SDK2: variants seen among roughly 807,000 people sequenced by gnomAD.
SDK2 encodes the protein sidekick cell adhesion molecule 2.
SDK2 carries 105 observed loss-of-function variants against 253.9 expected under a neutral mutation model. The ratio of observed to expected loss-of-function variants is 0.41; its 90% CI spans 0.35 to 0.49. SDK2 has a LOEUF of 0.49. Among genes scored for constraint, SDK2 ranks in the 20% least tolerant of loss-of-function variants. SDK2 has a pLI of 0.06. For synonymous variants in SDK2, 1,249 were observed against 1,234.9 expected (o/e 1.01, Z -0.24); for missense variants, 2,608 against 3,003.0 (o/e 0.87, Z 3.07).
In SDK2 at chr17:73,642,642, C is replaced by T. The variant is rs184349304; in HGVS notation, c.64+1383G>A. On this transcript the variant is annotated intron_variant, in intron 1 of 44. Coordinates refer to ENST00000392650, the MANE Select transcript of SDK2 (RefSeq NM_001144952.2). This position sits in a 1 kb window ranked among gnomAD's most constrained non-coding sequence, Gnocchi z 4.7. Reference sequence around the variant, plus strand: ...GTGGCCTTGGGCAAGTCATTTAATGCCATTTGGCCTCAGTTTCCCTATCTG... The same window carrying T: ...GTGGCCTTGGGCAAGTCATTTAATGTCATTTGGCCTCAGTTTCCCTATCTG... Among the ~76,000 whole-genome samples the T allele has an allele frequency of 5.3e-5, 8 of 152,264 alleles. No homozygotes were observed. The highest frequency in any genetic ancestry group is 1.9e-4 in the African/African-American group (8 of 41,542).
Position 73,430,453 on chromosome 17 carries a change from A to G in SDK2, c.1583+58T>C. The stretch of plus-strand genomic sequence containing the variant: ...TAATGTGGACACTCGCCCAGCTACA[A>G]GCTATTGCCAGAGGCTCCCCCTCCC... On this transcript the variant is annotated intron_variant, in intron 12 of 44. Transcript: ENST00000392650. The G allele has an allele frequency of 2.3e-6, 3 of 1,307,394 alleles. No individual in the cohort carries two copies. In the South Asian group the frequency reaches 3.8e-5, roughly 16 times the overall value. 81.0% of individuals were successfully genotyped at this position (1,307,394 alleles called of 1,614,324 possible). A position where few individuals can be genotyped will look rare whatever the true frequency, so the allele number is the denominator to read the frequency against.
intron 39 of SDK2, 57 bp from the exon 40 acceptor site, chr17:73,358,261 C>T (rs201914146): frequency 1.5e-4 from 233 of 1,545,164 alleles, no homozygotes; most frequent in Non-Finnish European, 1.9e-4. Flanking sequence ...CCACCCAGCC[C>T]GTCACCCTGG....
chr17:73,389,875 G>T (rs533518672), intron 29 of SDK2, among the ~76,000 whole-genome samples: 1 of 152,288 alleles, frequency 6.6e-6, no homozygotes, highest in Non-Finnish European at 1.5e-5. Context: ...TCAGCTTCCT[G>T]AGTAGCTGGG....
chr17:73,504,678 G>A, intron 2 of SDK2, among the ~76,000 whole-genome samples: 1 of 148,294 alleles, frequency 6.7e-6, no homozygotes, highest in Admixed American at 6.7e-5. Context: ...TATCAGGAAA[G>A]GTTTTCTAAA....
chr17:73,615,288 T>C (rs2046040031), intron 1 of SDK2, among the ~76,000 whole-genome samples: 1 of 152,182 alleles, frequency 6.6e-6, no homozygotes, highest in Admixed American at 6.5e-5. Flanking sequence ...AAGTAAGTTG[T>C]CAGAGGCCCC....
At chr17:73,635,248 A>C (rs1394910685) in intron 1 of SDK2, among the ~76,000 whole-genome samples, 1 of 152,100 alleles carries the variant, frequency 6.6e-6, no homozygotes, top group Non-Finnish European at 1.5e-5. Flanking sequence ...TCTGCCTCCC[A>C]AAGTGCTGGG....
chr17:73,618,335 T>G lies in SDK2; in HGVS notation c.64+25690A>C, dbSNP rs1260210651. Among the ~76,000 whole-genome samples the G allele has an allele frequency of 6.6e-6, 1 of 152,134 alleles. No individual in the cohort carries two copies. The highest frequency in any genetic ancestry group is 1.5e-5 in the Non-Finnish European group (1 of 68,018). Reference sequence around the variant, plus strand: ...GTTCATGCCAACTGGCCTCTCCCCATGGAGAGGGAGAGCTCGCTGTGCCTG... The same window carrying G: ...GTTCATGCCAACTGGCCTCTCCCCAGGGAGAGGGAGAGCTCGCTGTGCCTG... On this transcript the variant is annotated intron_variant, in intron 1 of 44. Coordinates refer to ENST00000392650, the MANE Select transcript of SDK2 (RefSeq NM_001144952.2). This position sits in a 1 kb window ranked among gnomAD's most constrained non-coding sequence, Gnocchi z 4.1.
Position 73,383,300 on chromosome 17 carries a change from CGGCTCTCCCTGACATTTCCACCTG to C in SDK2, c.4705+552_4705+575del, listed in dbSNP as rs2062846709. Among the ~76,000 whole-genome samples, 1 of 152,234 alleles carries C rather than the reference CGGCTCTCCCTGACATTTCCACCTG, an allele frequency of 6.6e-6. No individual in the cohort carries two copies. Among genetic ancestry groups the C allele is most frequent in the Admixed American group, 6.5e-5 (1 of 15,292 alleles). ...TCCCTTGCCGTGGTCTTCTGGGCAT[CGGCTCTCCCTGACATTTCCACCTG>C]GGCTCCCCTCTTTCCTTCCTTTGCT... is the stretch of plus-strand genomic sequence containing the variant. On this transcript the variant is annotated intron_variant, in intron 33 of 44. Transcript: ENST00000392650. The surrounding 1 kb of genome is among the most constrained non-coding windows in gnomAD (Gnocchi z 4.3).
chr17:73,567,045 A>G (rs2045322759), intron 1 of SDK2, among the ~76,000 whole-genome samples: 1 of 151,570 alleles, frequency 6.6e-6, no homozygotes, highest in Non-Finnish European at 1.5e-5. Flanking sequence ...AAGACACTGG[A>G]AAAAAAAAGA....
intron 1 of SDK2, among the ~76,000 whole-genome samples, chr17:73,555,130 C>T (rs1174833332): frequency 3.9e-5 from 6 of 152,210 alleles, no homozygotes; most frequent in Non-Finnish European, 5.9e-5. Context: ...TATGCAGCCC[C>T]GAGCTGGGCT....
At chr17:73,500,219 C>T (rs1386313531) in intron 2 of SDK2, among the ~76,000 whole-genome samples, 2 of 145,824 alleles carry the variant, frequency 1.4e-5, no homozygotes, top group African/African-American at 5.1e-5. Flanking sequence ...TCCATCTCCT[C>T]CATCCTCCCT....
intron 1 of SDK2, among the ~76,000 whole-genome samples, chr17:73,561,954 C>T (rs895194447): frequency 5.9e-5 from 9 of 152,030 alleles, no homozygotes; most frequent in African/African-American, 7.3e-5. Flanking sequence ...GGTGAAACTC[C>T]GTCTCTACTA....
intron 4 of SDK2, among the ~76,000 whole-genome samples, chr17:73,449,035 G>A (rs930304214): frequency 6.6e-6 from 1 of 152,124 alleles, no homozygotes; most frequent in Non-Finnish European, 1.5e-5. Flanking sequence ...AAAGAGGCTG[G>A]TGTGTTTTGG....
At chr17:73,529,174 C>A (rs900886758) in intron 1 of SDK2, among the ~76,000 whole-genome samples, 1 of 152,070 alleles carries the variant, frequency 6.6e-6, no homozygotes, top group Admixed American at 6.5e-5. Context: ...GAGGTGGTTT[C>A]GTCTGTAATG....
At chr17:73,517,909 C>T (rs185343757) in intron 1 of SDK2, 204 of 152,456 alleles carry the variant, frequency 1.3e-3, no homozygotes, top group African/African-American at 4.4e-3. Flanking sequence ...TGTCCAGCAC[C>T]CCTTCAAAGC....
At chr17:73,402,165 A>C (rs2063034242) in intron 18 of SDK2, 24 bp from the exon 19 acceptor site, 2 of 1,606,082 alleles carry the variant, frequency 1.2e-6, no homozygotes, top group African/African-American at 1.3e-5. Context: ...AGCAAGTCAC[A>C]CAGGGCAGCA....
chr17:73,463,464 C>T (rs1400959936), intron 3 of SDK2, among the ~76,000 whole-genome samples: 1 of 152,132 alleles, frequency 6.6e-6, no homozygotes, highest in Non-Finnish European at 1.5e-5. Flanking sequence ...AATAAACACT[C>T]CTGCACCTAC....
chr17:73,611,897 G>T (rs1286272839), intron 1 of SDK2, among the ~76,000 whole-genome samples: 2 of 152,104 alleles, frequency 1.3e-5, no homozygotes, highest in African/African-American at 4.8e-5. Context: ...CTCTGGGCTT[G>T]GACAGAAACT....
Position 73,338,938 on chromosome 17 carries a change from T to A in SDK2, c.6168A>T (p.Gly2056=), listed in dbSNP as rs377260309. 6.2e-7 allele frequency: 1 copy of A among 1,613,686 alleles called. No individual in the cohort carries two copies. The highest frequency in any genetic ancestry group is 2.2e-5 in the East Asian group (1 of 44,880). Residue 2056 remains glycine (G), a splice_region_variant and synonymous_variant, in exon 45 of 45, where the codon GGA becomes GGT. Coordinates refer to ENST00000392650, the MANE Select transcript of SDK2 (RefSeq NM_001144952.2). This position sits in a 1 kb window ranked among gnomAD's most constrained non-coding sequence, Gnocchi z 5.0. ...EKPSEISDSQ[G]SDSEYEVDSN... ...AGTCGACCTCGTACTCGCTGTCACT[T>A]CCCTGGGAGGACAGAGAATCAGGGT...
Sources: allele counts gnomAD v4.1 joint callset (sites outside exome capture counted in the v4.1 genomes callset), GRCh38; gene constraint gnomAD v4.1.1; non-coding constraint Gnocchi (gnomAD v3.1); transcripts MANE v1.5; gene names NCBI Gene and HGNC (gene_info 2026-07-23, HGNC 2026-07-21).